Variants in EXOC1 observed in about 807,000 individuals in gnomAD.
EXOC1 encodes exocyst complex component 1, also known as SEC3-like 1.
In EXOC1, 67 loss-of-function variants were observed where a neutral mutation model predicts 107.7. The observed-to-expected ratio is 0.62, with a 90% CI of 0.51 to 0.76. The LOEUF (loss-of-function observed/expected upper bound fraction) is 0.76. Among genes scored for constraint, EXOC1 ranks in the 30% least tolerant of loss-of-function variants. The probability of loss-of-function intolerance (pLI) is 0.00; values close to 1 mark genes in which losing one functional copy is unlikely to be tolerated. For missense variants in EXOC1, 833 were observed against 1,055.7 expected, an observed-to-expected ratio of 0.79 and a Z score of 2.92; for synonymous variants, 348 against 353.5, an observed-to-expected ratio of 0.98 and a Z score of 0.17.
intron 10 of EXOC1, chr4:55,885,763 T>G (rs761177321): frequency 2.0e-4 from 31 of 152,134 alleles, no homozygotes; most frequent in Non-Finnish European, 2.5e-4. Context: ...ACTAAACAAT[T>G]TGGAGAATAA....
intron 10 of EXOC1, among the ~76,000 whole-genome samples, chr4:55,886,369 A>T (rs887440826): frequency 1.3e-5 from 2 of 151,992 alleles, no homozygotes; most frequent in Non-Finnish European, 2.9e-5. Context: ...CCTTGGTAAC[A>T]TGGCAAAACC....
chr4:55,874,743 C>G (rs1164025992), intron 8 of EXOC1, among the ~76,000 whole-genome samples: 1 of 152,052 alleles, frequency 6.6e-6, no homozygotes. Flanking sequence ...TCAACTTCCC[C>G]TGAAATTATA....
At chr4:55,899,035 C>A (rs955229530) in intron 16 of EXOC1, among the ~76,000 whole-genome samples, 6 of 152,078 alleles carry the variant, frequency 3.9e-5, no homozygotes, top group Admixed American at 6.6e-5. Context: ...TACAGCTGTA[C>A]CAATGCTGGG....
At chr4:55,880,519 T>A (rs911980624) in intron 9 of EXOC1, among the ~76,000 whole-genome samples, 6 of 152,154 alleles carry the variant, frequency 3.9e-5, no homozygotes, top group Non-Finnish European at 8.8e-5. Context: ...TCTTTGCCTT[T>A]TGAAGTTTTA....
chr4:55,882,411 T>G (rs891864499), intron 9 of EXOC1, among the ~76,000 whole-genome samples: 4 of 152,206 alleles, frequency 2.6e-5, no homozygotes, highest in African/African-American at 9.6e-5. Flanking sequence ...TGGTCTTTCC[T>G]ATCAGTCAGT....
intron 12 of EXOC1, among the ~76,000 whole-genome samples, chr4:55,890,632 T>G (rs554222818): frequency 5.4e-4 from 82 of 152,226 alleles, no homozygotes; most frequent in African/African-American, 1.9e-3. Context: ...CATAAAATGC[T>G]TATATCTCAA....
intron 8 of EXOC1, 109 bp downstream of exon 8, chr4:55,872,067 C>A: frequency 2.1e-6 from 2 of 960,150 alleles, no homozygotes; most frequent in Non-Finnish European, 3.1e-6. Flanking sequence ...GCAGTCAATT[C>A]CTTCACATAT....
intron 3 of EXOC1, among the ~76,000 whole-genome samples, chr4:55,864,001 A>G (rs1333851271): frequency 1.3e-5 from 2 of 152,252 alleles, no homozygotes; most frequent in African/African-American, 2.4e-5. Flanking sequence ...TAAAGGGCAT[A>G]GGAAGAAAAT....
At chr4:55,865,353 C>G (rs983331974) in intron 4 of EXOC1, among the ~76,000 whole-genome samples, 3 of 152,040 alleles carry the variant, frequency 2.0e-5, no homozygotes, top group Non-Finnish European at 4.4e-5. Context: ...AATCAGTGAG[C>G]CTGCTGCTGA....
rs569457275 is a variant in EXOC1 at position 55,853,683 on chromosome 4, G to C, written c.-281G>C. 2.3e-4 allele frequency: 35 copies of C among 152,398 alleles called. No homozygotes were observed. Among genetic ancestry groups the C allele is most frequent in the African/African-American group, 8.2e-4 (34 of 41,586 alleles). The allele number at this position is 152,398 out of a possible 1,614,324, so 9.4% of individuals were successfully genotyped here. ...CGTGCCCGGATATAGGAAGTGTTGG[G>C]GGAACGGCCGCTTCCCGTTCAACGC... On this transcript the variant is annotated 5_prime_UTR_variant, in exon 1 of 19. Transcript: ENST00000381295.
intron 2 of EXOC1, 46 bp downstream of exon 2, chr4:55,858,493 AT>A: frequency 6.7e-7 from 1 of 1,497,170 alleles, no homozygotes; most frequent in Non-Finnish European, 8.9e-7. Flanking sequence ...TCCTTTTATT[AT>A]TTAGAAGATA....
intron 9 of EXOC1, among the ~76,000 whole-genome samples, chr4:55,880,893 A>T (rs1322642981): frequency 6.6e-6 from 1 of 152,138 alleles, no homozygotes; most frequent in Non-Finnish European, 1.5e-5. Flanking sequence ...TTACCTCATC[A>T]TCTAATTTGG....
intron 5 of EXOC1, among the ~76,000 whole-genome samples, chr4:55,870,255 T>TTTCACATA (rs1722305346): frequency 6.6e-6 from 1 of 152,332 alleles, no homozygotes; most frequent in East Asian, 1.9e-4. Context: ...TTATTTAGGG[T>TTTCACATA]TTCACATAGG....
At chr4:55,886,579 A>G (rs888058425) in intron 10 of EXOC1, among the ~76,000 whole-genome samples, 6 of 151,724 alleles carry the variant, frequency 4.0e-5, no homozygotes, top group Admixed American at 3.3e-4. Context: ...AAAAAACAAA[A>G]AAAAAAAAAA....
At chr4:55,871,278 C>A in intron 7 of EXOC1, 45 bp downstream of exon 7, 48 of 1,581,460 alleles carry the variant, frequency 3.0e-5, no homozygotes, top group Non-Finnish European at 3.9e-5. Context: ...GAATGTGAGA[C>A]TAAGCCTGTA....
intron 4 of EXOC1, among the ~76,000 whole-genome samples, chr4:55,866,077 T>TA (rs967464838): frequency 2.9e-4 from 43 of 150,422 alleles, no homozygotes; most frequent in African/African-American, 7.5e-4. Context: ...TAATTCCCAT[T>TA]AAAAAAAAAT....
intron 10 of EXOC1, 106 bp from the exon 11 acceptor site, chr4:55,888,782 G>T: frequency 9.0e-7 from 1 of 1,107,994 alleles, no homozygotes; most frequent in Admixed American, 1.9e-5. Context: ...TTCTTTGCAT[G>T]TGTCTTTTAA....
At chr4:55,857,001 G>T (rs1242469939) in intron 1 of EXOC1, among the ~76,000 whole-genome samples, 1 of 151,646 alleles carries the variant, frequency 6.6e-6, no homozygotes, top group African/African-American at 2.4e-5. Context: ...TCCAGCTCCC[G>T]AAAACCACTT....
chr4:55,889,017 A>G, intron 11 of EXOC1, 85 bp downstream of exon 11: 1 of 1,448,088 alleles, frequency 6.9e-7, no homozygotes, highest in Non-Finnish European at 9.7e-7. Context: ...AAAAGGTAAC[A>G]CCAAAAATTT....
Sources: allele counts gnomAD v4.1 joint callset (sites outside exome capture counted in the v4.1 genomes callset), GRCh38; gene constraint gnomAD v4.1.1; transcripts MANE v1.5; gene names NCBI Gene and HGNC (gene_info 2026-07-23, HGNC 2026-07-21).